The following CAMKMT variants were observed in gnomAD, a reference collection of about 807,000 sequenced individuals.
The protein encoded by CAMKMT is CaM KMT.
A neutral mutation model predicts 48.0 loss-of-function variants in CAMKMT; 53 were observed. The ratio of observed to expected loss-of-function variants is 1.10; its 90% CI spans 0.89 to 1.39. The LOEUF is 1.39. Among genes scored for constraint, CAMKMT ranks in the 40% most tolerant of loss-of-function variants. The pLI is 0.00. For synonymous variants in CAMKMT, 165 were observed against 152.3 expected (o/e 1.08, Z -0.61); for missense variants, 428 against 402.7 (o/e 1.06, Z -0.54).
chr2:44,429,603 C>T (rs1464695672), intron 3 of CAMKMT, among the ~76,000 whole-genome samples: 1 of 151,690 alleles, frequency 6.6e-6, no homozygotes, highest in Non-Finnish European at 1.5e-5. Flanking sequence ...AGATCGAGAC[C>T]ATCCTGGCTA....
chr2:44,371,847 C>T (rs1263043275), intron 1 of CAMKMT, among the ~76,000 whole-genome samples: 1 of 152,094 alleles, frequency 6.6e-6, no homozygotes, highest in African/African-American at 2.4e-5. Flanking sequence ...TTCAAATTTT[C>T]CCCATTTTGT....
At chr2:44,527,794 C>CCCT (rs1553409543) in intron 3 of CAMKMT, among the ~76,000 whole-genome samples, 1 of 137,388 alleles carries the variant, frequency 7.3e-6, no homozygotes, top group African/African-American at 2.7e-5. Context: ...AGCCCCCCCC[C>CCCT]CCATTATCAA....
Position 44,362,049 on chromosome 2 carries a change from G to A in CAMKMT, c.42G>A (p.Ala14=). The change falls in exon 1 of 11, where the codon GCG becomes GCA. Residue 14 remains alanine, a synonymous_variant. Transcript: ENST00000378494. ...RVADAGTGET[A]RAAGGSPAVG... ...CGGACGCTGGGACCGGCGAGACCGC[G>A]CGAGCAGCGGGCGGGAGTCCGGCAG... 7.0e-7 allele frequency: 1 copy of A among 1,432,556 alleles called. No homozygotes were observed. Among genetic ancestry groups the A allele is most frequent in the Non-Finnish European group, 9.1e-7 (1 of 1,098,762 alleles). 88.7% of individuals were successfully genotyped at this position (1,432,556 alleles called of 1,614,324 possible). A position where few individuals can be genotyped will look rare whatever the true frequency, so the allele number is the denominator to read the frequency against.
At chr2:44,621,657 G>A (rs1039283503) in intron 3 of CAMKMT, among the ~76,000 whole-genome samples, 1 of 152,210 alleles carries the variant, frequency 6.6e-6, no homozygotes, top group African/African-American at 2.4e-5. Flanking sequence ...AATGGTTCAA[G>A]ATGAAGTTGG....
chr2:44,747,768 A>T (rs1679980919), intron 8 of CAMKMT, among the ~76,000 whole-genome samples: 2 of 152,134 alleles, frequency 1.3e-5, no homozygotes, highest in Admixed American at 1.3e-4. Context: ...ATTCTAAGGG[A>T]GGTGATGAAA....
intron 3 of CAMKMT, among the ~76,000 whole-genome samples, chr2:44,580,325 G>T (rs1181770166): frequency 1.3e-5 from 2 of 151,848 alleles, no homozygotes; most frequent in African/African-American, 2.4e-5. Flanking sequence ...AAGCCAAGGT[G>T]CCCTATACTT....
At chr2:44,503,714 T>G (rs1345232364) in intron 3 of CAMKMT, among the ~76,000 whole-genome samples, 5 of 152,102 alleles carry the variant, frequency 3.3e-5, no homozygotes, top group Non-Finnish European at 1.5e-5. Flanking sequence ...AGAGTTGTAG[T>G]TTCAAGCACG....
At chr2:44,751,210 C>T (rs1033724873) in intron 8 of CAMKMT, among the ~76,000 whole-genome samples, 5 of 152,140 alleles carry the variant, frequency 3.3e-5, no homozygotes, top group South Asian at 2.1e-4. Flanking sequence ...CGACCAACCC[C>T]GCCTAACTCT....
rs563317857 is a variant in CAMKMT, at chr2:44,641,153, T to C, written c.377-63130T>C. ...AATCTTTCAAGTAATGGTATAGATA[T>C]ATAAATATCTTCTTAAATGGCAGCT... On this transcript the variant is annotated intron_variant, in intron 3 of 10. Coordinates refer to ENST00000378494, the MANE Select transcript of CAMKMT (RefSeq NM_024766.5). Among the ~76,000 whole-genome samples, 61 of 152,330 alleles carry C rather than the reference T, an allele frequency of 4.0e-4. 2 individuals carry two copies. In the South Asian group the frequency reaches 0.012, roughly 30 times the overall value.
intron 3 of CAMKMT, among the ~76,000 whole-genome samples, chr2:44,541,326 AT>A (rs1667092868): frequency 6.6e-6 from 1 of 152,176 alleles, no homozygotes; most frequent in South Asian, 2.1e-4. Flanking sequence ...ATTCTGTCTT[AT>A]AGTAGGAGAT....
chr2:44,479,820 A>G (rs535431495), intron 3 of CAMKMT, among the ~76,000 whole-genome samples: 9 of 152,126 alleles, frequency 5.9e-5, no homozygotes, highest in Non-Finnish European at 1.3e-4. Context: ...TTTAAGTTCC[A>G]TTTTGTATTT....
At chr2:44,463,966 C>T (rs1428873624) in intron 3 of CAMKMT, among the ~76,000 whole-genome samples, 1 of 151,994 alleles carries the variant, frequency 6.6e-6, no homozygotes, top group Non-Finnish European at 1.5e-5. Context: ...GTCAAAGAAA[C>T]AAAATAAATC....
At chr2:44,645,105 C>T (rs1300064368) in intron 3 of CAMKMT, among the ~76,000 whole-genome samples, 2 of 152,110 alleles carry the variant, frequency 1.3e-5, no homozygotes, top group Non-Finnish European at 2.9e-5. Context: ...ACAGATAACC[C>T]AAGCTTAGTC....
chr2:44,426,657 C>A (rs1263013319), intron 3 of CAMKMT, among the ~76,000 whole-genome samples: 2 of 152,126 alleles, frequency 1.3e-5, no homozygotes, highest in Non-Finnish European at 2.9e-5. Context: ...TAAAACACTG[C>A]TGAAAGAAAT....
intron 3 of CAMKMT, among the ~76,000 whole-genome samples, chr2:44,632,914 C>T (rs747889902): frequency 6.6e-5 from 10 of 152,150 alleles, no homozygotes; most frequent in Non-Finnish European, 1.5e-5. Context: ...CCTTGCTCCT[C>T]ATCTTGCAGA....
At chr2:44,590,254 G>A (rs1408546878) in intron 3 of CAMKMT, among the ~76,000 whole-genome samples, 3 of 152,026 alleles carry the variant, frequency 2.0e-5, no homozygotes, top group Non-Finnish European at 2.9e-5. Context: ...TTTTTGTATT[G>A]GAGTAATGCT....
chr2:44,384,388 A>G (rs923901396), intron 2 of CAMKMT, among the ~76,000 whole-genome samples: 1 of 150,472 alleles, frequency 6.6e-6, no homozygotes, highest in Non-Finnish European at 1.5e-5. Flanking sequence ...CCTTTGTCAG[A>G]TGTTTAGATT....
At position 44,362,105 on chromosome 2, in the gene CAMKMT, C is replaced by A. The variant is rs764033720; in HGVS notation, c.98C>A (p.Ser33Ter). 4 of 1,467,214 alleles carry A rather than the reference C, an allele frequency of 2.7e-6. No homozygotes were observed. Among genetic ancestry groups the A allele is most frequent in the South Asian group, 1.4e-5 (1 of 73,372 alleles). 90.9% of individuals were successfully genotyped at this position (1,467,214 alleles called of 1,614,324 possible). ...TGCACCACTCGGGGGCCCGTAGTCT[C>A]GGCGCCCCTGGGAGCCGCCCGGTGG... Reference protein sequence around the residue: ...VGCTTRGPVVSAPLGAARWKL... With the variant: ...VGCTTRGPVV The change falls in exon 1 of 11, where the codon TCG becomes TAG. Residue 33 changes from serine (S) to a stop codon, truncating the protein, a stop_gained. Coordinates refer to ENST00000378494, the MANE Select transcript of CAMKMT (RefSeq NM_024766.5). LOFTEE classifies it high-confidence loss of function.
In CAMKMT at chr2:44,772,323, CTCG is replaced by C; in HGVS notation, c.*213_*215del. 6.0e-6 allele frequency: 3 copies of C among 500,450 alleles called. 1 individual carries two copies. The East Asian group carries it at 9.5e-5, about 16-fold the overall frequency. The allele number at this position is 500,450 out of a possible 1,614,324, so 31.0% of individuals were successfully genotyped here. On this transcript the variant is annotated 3_prime_UTR_variant, in exon 11 of 11. Transcript: ENST00000378494. ...GCCTCTTTTTACACTCTGCTTGTTG[CTCG>C]TCCTGCCCTAAACCTTTGTTTGTCT...
Sources: gnomAD v4.1 joint callset for allele counts (sites outside exome capture counted in the v4.1 genomes callset) on GRCh38, gnomAD v4.1.1 for gene constraint, MANE v1.5 for transcripts, NCBI Gene and HGNC (gene_info 2026-07-23, HGNC 2026-07-21) for gene names.